LRRIQ4: variants seen among roughly 807,000 people sequenced by gnomAD.
The protein encoded by LRRIQ4 is leucine-rich repeat and IQ domain-containing protein 4.
In LRRIQ4, 21 loss-of-function variants were observed where a neutral mutation model predicts 40.1. The ratio of observed to expected loss-of-function variants is 0.52; its 90% CI spans 0.37 to 0.75. The LOEUF is 0.75. Among genes scored for constraint, LRRIQ4 ranks in the 30% least tolerant of loss-of-function variants. The probability of loss-of-function intolerance (pLI) is 0.00; values close to 1 mark genes in which losing one functional copy is unlikely to be tolerated. For synonymous variants in LRRIQ4, 277 were observed against 277.1 expected, an observed-to-expected ratio of 1.00 and a Z score of 0.00; for missense variants, 655 against 660.0, an observed-to-expected ratio of 0.99 and a Z score of 0.08.
intron 1 of LRRIQ4, among the ~76,000 whole-genome samples, chr3:169,815,529 T>C (rs1779746673): frequency 6.6e-6 from 1 of 151,940 alleles, no homozygotes; most frequent in Admixed American, 6.6e-5. Context: ...ATTCTAATAA[T>C]TTTTTTTGGT....
Position 169,822,244 on chromosome 3 carries a change from C to A in LRRIQ4, c.323C>A (p.Ser108Tyr). Residue 108 changes from serine to tyrosine, a missense_variant, in exon 2 of 6, where the codon TCC (serine) becomes TAC (tyrosine). Coordinates refer to ENST00000340806, the MANE Select transcript of LRRIQ4 (RefSeq NM_001080460.3). ...SLDLSYNPIF[S>Y]SSLVVVSFLH... Reference sequence around the variant, plus strand: ...GACCTGAGCTACAACCCCATCTTCTCCTCCTCCCTTGTCGTTGTCAGCTTC... The same window carrying A: ...GACCTGAGCTACAACCCCATCTTCTACTCCTCCCTTGTCGTTGTCAGCTTC... 3.7e-6 allele frequency: 6 copies of A among 1,607,070 alleles called. No individual in the cohort carries two copies. Among genetic ancestry groups the A allele is most frequent in the Non-Finnish European group, 5.1e-6 (6 of 1,177,216 alleles).
chr3:169,829,488 C>G (rs1780113879), intron 3 of LRRIQ4, among the ~76,000 whole-genome samples: 1 of 108,154 alleles, frequency 9.2e-6, no homozygotes, highest in African/African-American at 4.2e-5. Flanking sequence ...CTTTAAAGAA[C>G]TGTTTTTTTT....
At chr3:169,823,057 T>TA in intron 2 of LRRIQ4, 116 bp downstream of exon 2, 3 of 787,900 alleles carry the variant, frequency 3.8e-6, no homozygotes, top group Non-Finnish European at 5.8e-6. Context: ...AAATCCAAGA[T>TA]TACTAAATAT....
At chr3:169,834,279 T>A (rs1438486785) in intron 5 of LRRIQ4, among the ~76,000 whole-genome samples, 9 of 152,162 alleles carry the variant, frequency 5.9e-5, no homozygotes, top group Non-Finnish European at 4.4e-5. Context: ...GGAGAATCGC[T>A]TGAACCCAGG....
At chr3:169,825,174 A>G (rs1780015702) in intron 2 of LRRIQ4, among the ~76,000 whole-genome samples, 2 of 151,686 alleles carry the variant, frequency 1.3e-5, no homozygotes, top group Non-Finnish European at 2.9e-5. Context: ...CGCCCGGCTA[A>G]TTTATGTATT....
chr3:169,825,431 T>A (rs981827997), intron 2 of LRRIQ4, among the ~76,000 whole-genome samples: 1 of 152,220 alleles, frequency 6.6e-6, no homozygotes, highest in African/African-American at 2.4e-5. Context: ...AGGTCGAGAT[T>A]CTAGGACTTA....
At chr3:169,829,409 G>A (rs1170331181) in intron 3 of LRRIQ4, among the ~76,000 whole-genome samples, 1 of 151,880 alleles carries the variant, frequency 6.6e-6, no homozygotes, top group Non-Finnish European at 1.5e-5. Context: ...GGGCTGTGAG[G>A]AATACTTGCA....
At chr3:169,828,540 A>C (rs1780092422) in intron 2 of LRRIQ4, among the ~76,000 whole-genome samples, 1 of 152,186 alleles carries the variant, frequency 6.6e-6, no homozygotes, top group Admixed American at 6.5e-5. Flanking sequence ...AGCCACAAAA[A>C]ATTGCTCCAG....
chr3:169,828,961 A>C, intron 3 of LRRIQ4, 29 bp downstream of exon 3: 1 of 1,578,096 alleles, frequency 6.3e-7, no homozygotes, highest in Non-Finnish European at 8.6e-7. Context: ...GCAGGCTAAG[A>C]AGCACCTGTC....
At chr3:169,837,068 C>T (rs1163496845) in intron 5 of LRRIQ4, among the ~76,000 whole-genome samples, 1 of 152,184 alleles carries the variant, frequency 6.6e-6, no homozygotes, top group African/African-American at 2.4e-5. Context: ...GGAGCACAGA[C>T]AGCCCAGTAA....
At chr3:169,833,878 A>AC in intron 5 of LRRIQ4, among the ~76,000 whole-genome samples, 1 of 150,934 alleles carries the variant, frequency 6.6e-6, no homozygotes, top group African/African-American at 2.4e-5. Flanking sequence ...AGTCCGTAAA[A>AC]CCCCCTCTCA....
intron 1 of LRRIQ4, among the ~76,000 whole-genome samples, chr3:169,814,575 TC>T (rs779032669): frequency 1.3e-4 from 20 of 152,132 alleles, no homozygotes; most frequent in Admixed American, 7.2e-4. Flanking sequence ...AACCTCTGCC[TC>T]CGAGCTTCAA....
At chr3:169,833,324 C>A in intron 5 of LRRIQ4, 141 bp downstream of exon 5, 1 of 634,630 alleles carries the variant, frequency 1.6e-6, no homozygotes, top group Non-Finnish European at 2.6e-6. Flanking sequence ...CTTTTATGTC[C>A]CCAGGGCTAA....
intron 1 of LRRIQ4, among the ~76,000 whole-genome samples, 144 bp downstream of exon 1, chr3:169,813,190 CA>C (rs1217325237): frequency 6.6e-6 from 1 of 152,194 alleles, no homozygotes; most frequent in African/African-American, 2.4e-5. Context: ...TGAGAATTGC[CA>C]GGGAGGAAGG....
rs1003690501 is a variant in LRRIQ4 at position 169,834,204 on chromosome 3, A to C, written c.1530+1021A>C. On this transcript the variant is annotated intron_variant, in intron 5 of 5. Coordinates refer to ENST00000340806, the MANE Select transcript of LRRIQ4 (RefSeq NM_001080460.3). ...TGGTGAAACCCTGTCTCTACTAAAAATACAAAAATTAGCTGGGCATGGTGG... is the reference window on the plus strand; with the variant it reads ...TGGTGAAACCCTGTCTCTACTAAAACTACAAAAATTAGCTGGGCATGGTGG... 2.0e-5 allele frequency among the ~76,000 whole-genome samples: 3 copies of C among 152,168 alleles called. No homozygotes were observed. In the East Asian group the frequency reaches 5.8e-4, roughly 29 times the overall value.
rs139812639 is a variant in LRRIQ4 at position 169,827,350 on chromosome 3, G to A, written c.1021-1409G>A. Among the ~76,000 whole-genome samples the A allele has an allele frequency of 7.7e-3, 1,173 of 152,214 alleles. 20 individuals carry two copies. The highest frequency in any genetic ancestry group is 0.057 in the East Asian group (296 of 5,168). On this transcript the variant is annotated intron_variant, in intron 2 of 5. Transcript: ENST00000340806. ...TCGCCGGGTGCGGTGGCTCATGCCT[G>A]TAATCTCAGCACTTTGGGAGGCCTA...
chr3:169,833,363 G>A (rs1780229422), intron 5 of LRRIQ4, among the ~76,000 whole-genome samples, 180 bp downstream of exon 5: 1 of 152,270 alleles, frequency 6.6e-6, no homozygotes, highest in East Asian at 1.9e-4. Context: ...GTCAGCCCTA[G>A]CATTTTTGTC....
intron 3 of LRRIQ4, 41 bp from the exon 4 acceptor site, chr3:169,830,451 T>A (rs1280957840): frequency 8.4e-7 from 1 of 1,189,338 alleles, no homozygotes; most frequent in East Asian, 3.5e-5. Flanking sequence ...TATAATTAAT[T>A]AATCAAGGTA....
At chr3:169,821,847 G>A (rs2108266435) in intron 1 of LRRIQ4, 44 bp from the exon 2 acceptor site, 2 of 1,006,432 alleles carry the variant, frequency 2.0e-6, no homozygotes, top group Admixed American at 3.4e-5. Context: ...AAGTCTGGTG[G>A]CAGGTAAATT....
Sources: gnomAD v4.1 joint callset for allele counts (sites outside exome capture counted in the v4.1 genomes callset) on GRCh38, gnomAD v4.1.1 for gene constraint, MANE v1.5 for transcripts, NCBI Gene and HGNC (gene_info 2026-07-23, HGNC 2026-07-21) for gene names.